PHF12: variants seen among roughly 807,000 people sequenced by gnomAD.
PHF12 encodes the protein PHD factor 1.
A neutral mutation model predicts 99.8 loss-of-function variants in PHF12; 6 were observed. The ratio of observed to expected loss-of-function variants is 0.06; its 90% CI spans 0.03 to 0.12. The LOEUF (loss-of-function observed/expected upper bound fraction) is 0.12. PHF12 is among the 10% of genes least tolerant of loss of function. PHF12 has a pLI of 1.00. For missense variants in PHF12, 954 were observed against 1,300.1 expected (o/e 0.73, Z 4.09); for synonymous variants, 480 against 514.9 (o/e 0.93, Z 0.92).
chr17:28,920,216 A>G (rs181839025), intron 5 of PHF12, among the ~76,000 whole-genome samples: 13 of 152,334 alleles, frequency 8.5e-5, no homozygotes, highest in Admixed American at 5.2e-4. Flanking sequence ...CCTGGCTCAG[A>G]GTTCTGCCAC....
intron 2 of PHF12, chr17:28,929,924 C>A (rs2040364226): frequency 6.6e-6 from 1 of 152,248 alleles, no homozygotes; most frequent in Admixed American, 6.5e-5. Flanking sequence ...CTCTGCTATG[C>A]TTCAGTAGCT....
intron 2 of PHF12, among the ~76,000 whole-genome samples, chr17:28,947,598 A>C (rs2040742278): frequency 6.6e-6 from 1 of 152,112 alleles, no homozygotes; most frequent in Non-Finnish European, 1.5e-5. Flanking sequence ...ACAAACAAAC[A>C]AAAAACAACA....
At chr17:28,925,334 T>C (rs1031032030) in intron 3 of PHF12, 9 of 152,222 alleles carry the variant, frequency 5.9e-5, no homozygotes, top group East Asian at 3.8e-4. Flanking sequence ...AAGGGTCATA[T>C]ATACGAAAGG....
At chr17:28,928,129 C>T (rs1184272541) in intron 2 of PHF12, 1 of 152,176 alleles carries the variant, frequency 6.6e-6, no homozygotes, top group Non-Finnish European at 1.5e-5. Context: ...AAAAAACCAG[C>T]TTCAGCTGAA....
chr17:28,923,797 G>C (rs973528119), intron 4 of PHF12, 112 bp downstream of exon 4: 13 of 1,317,564 alleles, frequency 9.9e-6, no homozygotes, highest in Non-Finnish European at 1.3e-5. Context: ...ACTAGGAACA[G>C]GAACCCAAGA....
At chr17:28,908,941 A>T (rs2039915252) in intron 11 of PHF12, 60 bp from the exon 12 acceptor site, 10 of 1,485,358 alleles carry the variant, frequency 6.7e-6, no homozygotes, top group Admixed American at 5.7e-5. Flanking sequence ...ATCCAAACAT[A>T]AACCAACAAA....
chr17:28,917,562 T>C, intron 6 of PHF12, 113 bp from the exon 7 acceptor site: 1 of 1,153,220 alleles, frequency 8.7e-7, no homozygotes. Flanking sequence ...ATAGGTTCCC[T>C]CAATTAGGGA....
At position 28,927,070 on chromosome 17, in the gene PHF12, G is replaced by A. The variant is rs2040293455; in HGVS notation, c.249-7C>T. ...TTCACTCAGTGGAGGGTTACTGTGG[G>A]GAACAGACAAGGGCAAGACTAAATA... On this transcript the variant is annotated splice_region_variant and splice_polypyrimidine_tract_variant and intron_variant, in intron 2 of 14. Transcript: ENST00000332830. 1 of 1,612,728 alleles carries A rather than the reference G, an allele frequency of 6.2e-7. No individual in the cohort carries two copies.
rs550073001 is a variant in PHF12, at chr17:28,913,777, G to A, written c.1293+102C>T. 2.0e-6 allele frequency: 3 copies of A among 1,466,364 alleles called. No individual in the cohort carries two copies. The East Asian group carries it at 7.0e-5, about 34-fold the overall frequency. 90.8% of individuals were successfully genotyped at this position (1,466,364 alleles called of 1,614,324 possible). A position where few individuals can be genotyped will look rare whatever the true frequency, so the allele number is the denominator to read the frequency against. ...TCTTGAGGGGTTAGGATGAGGGTGG[G>A]TGGGGACTGGAATGAGAATGACACT... On this transcript the variant is annotated intron_variant, in intron 8 of 14. Transcript: ENST00000332830.
Position 28,906,390 on chromosome 17 carries a change from G to A in PHF12, c.2808C>T (p.Gly936=), listed in dbSNP as rs201845165. 3.2e-5 allele frequency: 51 copies of A among 1,614,246 alleles called. No individual in the cohort carries two copies. Among genetic ancestry groups the A allele is most frequent in the South Asian group, 1.1e-4 (10 of 91,088 alleles). ...CKASSSSLIG[G]SGAGWEGTAL... Reference sequence around the variant, plus strand: ...CTGTGCCCTCCCAGCCGGCCCCACTGCCCCCAATCAAGCTCGAGCTGCTGG... The same window carrying A: ...CTGTGCCCTCCCAGCCGGCCCCACTACCCCCAATCAAGCTCGAGCTGCTGG... Residue 936 remains glycine, a synonymous_variant, in exon 15 of 15, where the codon GGC becomes GGT. Transcript: ENST00000332830. This position sits in a 1 kb window ranked among gnomAD's most constrained non-coding sequence, Gnocchi z 4.2.
chr17:28,913,447 C>G (rs1447321310), intron 8 of PHF12, among the ~76,000 whole-genome samples, 170 bp from the exon 9 acceptor site: 1 of 152,156 alleles, frequency 6.6e-6, no homozygotes, highest in South Asian at 2.1e-4. Context: ...CATTCCCAAG[C>G]AAGACTTATA....
rs201330894 is a variant in PHF12 at position 28,906,402 on chromosome 17, G to A, written c.2796C>T (p.Ser932=). 1.4e-5 allele frequency: 22 copies of A among 1,614,218 alleles called. No individual in the cohort carries two copies. The Admixed American group carries it at 2.3e-4, about 17-fold the overall frequency. Residue 932 remains serine, a synonymous_variant, in exon 15 of 15, where the codon AGC becomes AGT. Coordinates refer to ENST00000332830, the MANE Select transcript of PHF12 (RefSeq NM_001033561.2). This position sits in a 1 kb window ranked among gnomAD's most constrained non-coding sequence, Gnocchi z 4.2. ...RPCNCKASSS[S]LIGGSGAGWE... is the part of the protein sequence containing the mutation. ...AGCCGGCCCCACTGCCCCCAATCAAGCTCGAGCTGCTGGCTTTGCAATTGC... is the reference window on the plus strand; with the variant it reads ...AGCCGGCCCCACTGCCCCCAATCAAACTCGAGCTGCTGGCTTTGCAATTGC...
Position 28,913,261 on chromosome 17 carries a change from A to G in PHF12, c.1310T>C (p.Val437Ala). The G allele has an allele frequency of 1.9e-6, 3 of 1,610,934 alleles. No individual in the cohort carries two copies. Among genetic ancestry groups the G allele is most frequent in the Non-Finnish European group, 2.5e-6 (3 of 1,178,198 alleles). The change falls in exon 9 of 15, where the codon GTT (valine) becomes GCT (alanine). Residue 437 changes from valine to alanine, a missense_variant. Around this residue, in one of 8 missense-constraint regions of PHF12, gnomAD observed 392 missense variants for 423.1 expected, o/e 0.93. Coordinates refer to ENST00000332830, the MANE Select transcript of PHF12 (RefSeq NM_001033561.2). ...AEQQEWLCSVVALQCSILKHL... is the reference protein window; with the variant it reads ...AEQQEWLCSVAALQCSILKHL... ...TTTCAATATGCTGCACTGGAGCGCA[A>G]CAACACTACAGAGCCACTGCAATGG...
intron 2 of PHF12, among the ~76,000 whole-genome samples, chr17:28,944,188 A>G (rs555320221): frequency 2.8e-4 from 42 of 152,206 alleles, no homozygotes; most frequent in Non-Finnish European, 5.3e-4. Context: ...CTGTCCTAAT[A>G]TATTATTAGT....
rs375501805 is a variant in PHF12, at chr17:28,917,319, C to T, written c.1100G>A (p.Arg367His). 69 of 1,613,970 alleles carry T rather than the reference C, an allele frequency of 4.3e-5. No individual in the cohort carries two copies. The highest frequency in any genetic ancestry group is 3.0e-4 in the South Asian group (27 of 91,072). The change falls in exon 7 of 15, where the codon CGT becomes CAT. Residue 367 changes from arginine to histidine, a missense_variant. Around this residue, in one of 8 missense-constraint regions of PHF12, gnomAD observed 392 missense variants for 423.1 expected, o/e 0.93. Transcript: ENST00000332830. The stretch of plus-strand genomic sequence containing the variant: ...TCTTCTTTTGACCGACTGGAGCACA[C>T]GCCGGTTAGGGGGGTGCTTCTTGTG... ...RIHKKHPPNRRVLQSVKRRSL... is the reference protein window; with the variant it reads ...RIHKKHPPNRHVLQSVKRRSL...
chr17:28,910,189 G>C, intron 11 of PHF12, 37 bp downstream of exon 11: 1 of 1,614,044 alleles, frequency 6.2e-7, no homozygotes, highest in Non-Finnish European at 8.5e-7. Flanking sequence ...GTAGAGGGGA[G>C]ATCTGATGAT....
At position 28,931,900 on chromosome 17, in the gene PHF12, AG is replaced by A. The variant is rs150477061; in HGVS notation, c.249-4838del. Among the ~76,000 whole-genome samples, 1,265 of 152,166 alleles carry A rather than the reference AG, an allele frequency of 8.3e-3. 20 individuals carry two copies. The highest frequency in any genetic ancestry group is 0.029 in the African/African-American group (1,215 of 41,504). On this transcript the variant is annotated intron_variant, in intron 2 of 14. Transcript: ENST00000332830. ...CCTGGCCAAGATTTGCTGCTTTCTT[AG>A]GGACAGAACATGCATCTTGAAATAA...
In PHF12 at chr17:28,951,039, C is replaced by A; in HGVS notation, c.-79G>T. On this transcript the variant is annotated 5_prime_UTR_variant, in exon 1 of 15. Coordinates refer to ENST00000332830, the MANE Select transcript of PHF12 (RefSeq NM_001033561.2). ...GGAGGGGGGAGGTGAGGGGAGGGGG[C>A]GCTCCTGACCCCGGCCCCGCTTTTT... The A allele has an allele frequency of 3.1e-6, 5 of 1,599,256 alleles. No homozygotes were observed. The highest frequency in any genetic ancestry group is 3.4e-6 in the Non-Finnish European group (4 of 1,172,692).
chr17:28,934,773 G>T (rs533579686), intron 2 of PHF12, among the ~76,000 whole-genome samples: 1 of 152,084 alleles, frequency 6.6e-6, no homozygotes, highest in Non-Finnish European at 1.5e-5. Flanking sequence ...GCTACTTTTT[G>T]TATTTTTAGT....
Sources: gnomAD v4.1 joint callset for allele counts (sites outside exome capture counted in the v4.1 genomes callset) on GRCh38, gnomAD v4.1.1 for gene constraint, gnomAD v4.1.1 regional missense constraint, Gnocchi (gnomAD v3.1) non-coding constraint, MANE v1.5 for transcripts, NCBI Gene and HGNC (gene_info 2026-07-23, HGNC 2026-07-21) for gene names.